GIT2: variants seen among roughly 807,000 people sequenced by gnomAD.
The protein encoded by GIT2 is ARF GTPase-activating protein GIT2.
GIT2 carries 32 observed loss-of-function variants against 100.3 expected under a neutral mutation model. The ratio of observed to expected loss-of-function variants is 0.32; its 90% CI spans 0.24 to 0.43. The LOEUF (loss-of-function observed/expected upper bound fraction) is 0.43. Ranked by LOEUF, GIT2 falls within the 20% of genes least tolerant of loss-of-function variation. The pLI, the probability that GIT2 is intolerant of heterozygous loss-of-function variation, is 1.00. For synonymous variants in GIT2, 353 were observed against 364.1 expected, an observed-to-expected ratio of 0.97 and a Z score of 0.35; for missense variants, 737 against 975.1, an observed-to-expected ratio of 0.76 and a Z score of 3.25.
At chr12:109,970,228 T>TC (rs1883511764) in intron 7 of GIT2, among the ~76,000 whole-genome samples, 1 of 152,102 alleles carries the variant, frequency 6.6e-6, no homozygotes, top group Non-Finnish European at 1.5e-5. Context: ...GTGCAGTGGC[T>TC]CATGCCTGTA....
At chr12:109,991,839 T>A (rs1437272548) in intron 1 of GIT2, 79 bp from the exon 2 acceptor site, 2 of 1,332,704 alleles carry the variant, frequency 1.5e-6, no homozygotes, top group Admixed American at 3.9e-5. Context: ...TGACTGAAGT[T>A]TGGTTTGTCA....
chr12:109,959,769 A>T (rs1880573667), intron 12 of GIT2, 78 bp downstream of exon 12: 1 of 827,012 alleles, frequency 1.2e-6, no homozygotes, highest in Non-Finnish European at 2.1e-6. Flanking sequence ...TGACTGCTTT[A>T]ATTAGTTTAT....
chr12:109,947,351 A>G lies in GIT2; in HGVS notation c.1546T>C (p.Tyr516His). 1 of 1,614,158 alleles carries G rather than the reference A, an allele frequency of 6.2e-7. No homozygotes were observed. Among genetic ancestry groups the G allele is most frequent in the Non-Finnish European group, 8.5e-7 (1 of 1,179,978 alleles). Residue 516 changes from tyrosine (Y) to histidine (H), a missense_variant, in exon 15 of 20, where the codon TAC becomes CAC. By Grantham distance (83) the Tyr-to-His change is moderately conservative (BLOSUM62 2). Transcript: ENST00000355312. The surrounding 1 kb of genome is among the most constrained non-coding windows in gnomAD (Gnocchi z 4.3). ...GGTTTCTGACCTGATCCGGTCTCGT[A>G]CATGGACATGGGCCTACTGCCCCGG... is the stretch of plus-strand genomic sequence containing the variant. ...SARGSRPMSM[Y>H]ETGSGQKPYL...
At chr12:109,957,198 C>G (rs1313232821) in intron 12 of GIT2, among the ~76,000 whole-genome samples, 1 of 152,094 alleles carries the variant, frequency 6.6e-6, no homozygotes, top group Non-Finnish European at 1.5e-5. Context: ...GATCAATGCC[C>G]TCCCTTTGTA....
chr12:109,935,089 A>AT (rs1872625389), intron 18 of GIT2, among the ~76,000 whole-genome samples: 1 of 152,126 alleles, frequency 6.6e-6, no homozygotes, highest in Non-Finnish European at 1.5e-5. Context: ...AAAAAAAAAA[A>AT]AGACTGCCTA....
At position 109,947,260 on chromosome 12, in the gene GIT2, G is replaced by T. The variant is rs144433286; in HGVS notation, c.1637C>A (p.Ala546Glu). The T allele has an allele frequency of 3.1e-6, 5 of 1,612,458 alleles. No individual in the cohort carries two copies. In the Admixed American group the frequency reaches 8.3e-5, roughly 27 times the overall value. ...AGCGCCAGTGGTGTTACTTACGTGC[G>T]CGGGGAAGGGCTGGAGTCTCATCCT... ...ESRMRLQPFP[A>E]HIGRSALVTS... is the part of the protein sequence containing the mutation. The change falls in exon 15 of 20, where the codon GCG becomes GAG. Residue 546 changes from alanine (A) to glutamate (E), a missense_variant. Physicochemically the swap from Ala to Glu is moderately radical, Grantham distance 107. This residue lies in a region of GIT2 where 451 missense variants were observed against 543.7 expected (regional missense o/e 0.83). Transcript: ENST00000355312. This position sits in a 1 kb window ranked among gnomAD's most constrained non-coding sequence, Gnocchi z 4.3.
Position 109,947,025 on chromosome 12 carries a change from C to T in GIT2, c.1641+231G>A, listed in dbSNP as rs1040530475. Among the ~76,000 whole-genome samples the T allele has an allele frequency of 6.6e-6, 1 of 152,140 alleles. No individual in the cohort carries two copies. The highest frequency in any genetic ancestry group is 1.5e-5 in the Non-Finnish European group (1 of 68,034). ...TGTGGGGGAGAAAAAAGCAGCAGTT[C>T]GGGCAAGAGCCAGAATCCCCAACTT... On this transcript the variant is annotated intron_variant, in intron 15 of 19. Coordinates refer to ENST00000355312, the MANE Select transcript of GIT2 (RefSeq NM_057169.5). The surrounding 1 kb of genome is among the most constrained non-coding windows in gnomAD (Gnocchi z 4.3).
chr12:109,966,098 C>T (rs1269905656), intron 8 of GIT2, among the ~76,000 whole-genome samples: 3 of 150,618 alleles, frequency 2.0e-5, no homozygotes, highest in African/African-American at 7.3e-5. Context: ...AGGGTTTAAG[C>T]AATTCTCCTG....
Position 109,959,894 on chromosome 12 carries a change from C to T in GIT2, c.1052G>A (p.Ser351Asn), listed in dbSNP as rs758079908. 8 of 1,613,660 alleles carry T rather than the reference C, an allele frequency of 5.0e-6. No individual in the cohort carries two copies. In the Admixed American group the frequency reaches 5.0e-5, roughly 10 times the overall value. ...EFATLVIDIL[S>N]DAKRRQQGSS... ...GCCCTGCTGTCTCCTCTTGGCGTCA[C>T]TGAGAATGTCAATGACCAGCGTGGC... Residue 351 changes from serine to asparagine, a missense_variant, in exon 12 of 20, where the codon AGT (serine) becomes AAT (asparagine). This residue lies in a region of GIT2 where 451 missense variants were observed against 543.7 expected (regional missense o/e 0.83). Coordinates refer to ENST00000355312, the MANE Select transcript of GIT2 (RefSeq NM_057169.5).
intron 11 of GIT2, among the ~76,000 whole-genome samples, chr12:109,960,509 A>G (rs193237900): frequency 6.6e-6 from 1 of 152,202 alleles, no homozygotes; most frequent in East Asian, 1.9e-4. Flanking sequence ...TGGGTCCGGG[A>G]GGTGGAGGTT....
intron 16 of GIT2, chr12:109,939,997 A>G (rs950119011): frequency 6.6e-6 from 1 of 152,224 alleles, no homozygotes; most frequent in African/African-American, 2.4e-5. Flanking sequence ...GGGCCAAAAA[A>G]GCTGGGTGGC....
Position 109,947,921 on chromosome 12 carries a change from T to G in GIT2, c.1393-417A>C, listed in dbSNP as rs757740522. The G allele has an allele frequency of 7.6e-5, 13 of 170,082 alleles. No homozygotes were observed. The highest frequency in any genetic ancestry group is 5.2e-4 in the South Asian group (3 of 5,786). The allele number at this position is 170,082 out of a possible 1,614,324, so 10.5% of individuals were successfully genotyped here. On this transcript the variant is annotated intron_variant, in intron 14 of 19. Coordinates refer to ENST00000355312, the MANE Select transcript of GIT2 (RefSeq NM_057169.5). The surrounding 1 kb of genome is among the most constrained non-coding windows in gnomAD (Gnocchi z 4.3). ...GCTTTTCAAATGAGCCCTGAGCAAT[T>G]TGTAAAGGCCAAAAATGACAGCAGA...
At position 109,996,316 on chromosome 12, in the gene GIT2, G is replaced by GCGGCGGCGCTGA. The variant is rs1463896261; in HGVS notation, c.-104_-93dup. 209 of 877,632 alleles carry GCGGCGGCGCTGA rather than the reference G, an allele frequency of 2.4e-4. No individual in the cohort carries two copies. Among genetic ancestry groups the GCGGCGGCGCTGA allele is most frequent in the African/African-American group, 2.2e-3 (127 of 56,618 alleles). 54.4% of individuals were successfully genotyped at this position (877,632 alleles called of 1,614,324 possible). A position where few individuals can be genotyped will look rare whatever the true frequency, so the allele number is the denominator to read the frequency against. On this transcript the variant is annotated 5_prime_UTR_variant, in exon 1 of 20. Coordinates refer to ENST00000355312, the MANE Select transcript of GIT2 (RefSeq NM_057169.5). ...GCTTCCGCTCTAACGGGTCCCAGCT[G>GCGGCGGCGCTGA]CGGCGGCGCTGACGGCGGCGCCTCT...
intron 4 of GIT2, among the ~76,000 whole-genome samples, chr12:109,987,614 G>A (rs1263809084): frequency 6.6e-6 from 1 of 151,426 alleles, no homozygotes; most frequent in Non-Finnish European, 1.5e-5. Flanking sequence ...CTACAGGCAC[G>A]GCCACCATAC....
intron 8 of GIT2, among the ~76,000 whole-genome samples, chr12:109,966,503 T>C (rs552086520): frequency 8.6e-4 from 85 of 98,994 alleles, no homozygotes; most frequent in African/African-American, 2.9e-3. Context: ...AGCAAGACTC[T>C]GTCTCAAAAA....
intron 7 of GIT2, among the ~76,000 whole-genome samples, chr12:109,980,050 T>A (rs1455876649): frequency 6.6e-6 from 1 of 152,186 alleles, no homozygotes; most frequent in African/African-American, 2.4e-5. Context: ...GGGCGCGGCT[T>A]TCTTGCAATA....
At chr12:109,950,996 A>T (rs1270248104) in intron 14 of GIT2, 171 bp downstream of exon 14, 1 of 673,098 alleles carries the variant, frequency 1.5e-6, no homozygotes. Flanking sequence ...GATATATTTC[A>T]TTTTAAATAT....
rs776303148 is a variant in GIT2 at position 109,996,273 on chromosome 12, G to C, written c.-49C>G. The C allele has an allele frequency of 1.3e-5, 17 of 1,288,516 alleles. No homozygotes were observed. Among genetic ancestry groups the C allele is most frequent in the Admixed American group, 6.7e-5 (3 of 45,054 alleles). The allele number at this position is 1,288,516 out of a possible 1,614,324, so 79.8% of individuals were successfully genotyped here. On this transcript the variant is annotated 5_prime_UTR_variant, in exon 1 of 20. Transcript: ENST00000355312. ...GAACTAGAGGCCGGGGGACAGCAAA[G>C]GCGGCGGTGGCGGCGGCGCTTCCGC...
At chr12:109,968,920 C>T (rs1255424446) in intron 7 of GIT2, among the ~76,000 whole-genome samples, 6 of 152,058 alleles carry the variant, frequency 3.9e-5, no homozygotes, top group South Asian at 2.1e-4. Context: ...AACAGGGTTT[C>T]GCCACATTGC....
Sources: allele counts gnomAD v4.1 joint callset (sites outside exome capture counted in the v4.1 genomes callset), GRCh38; gene constraint gnomAD v4.1.1; regional missense constraint gnomAD v4.1.1; non-coding constraint Gnocchi (gnomAD v3.1); transcripts MANE v1.5; gene names NCBI Gene and HGNC (gene_info 2026-07-23, HGNC 2026-07-21).